DIP2C: variants seen among roughly 807,000 people sequenced by gnomAD.
DIP2C encodes the protein DIP2 acetate--CoA ligase C (putative), also known as disco-interacting protein 2 homolog C.
Under a neutral mutation model 192.4 loss-of-function variants are expected in DIP2C, and 33 were observed. The ratio of observed to expected loss-of-function variants is 0.17; its 90% CI spans 0.13 to 0.23. The LOEUF (loss-of-function observed/expected upper bound fraction) is 0.23, where lower values mean the gene tolerates loss of function less well. Among genes scored for constraint, DIP2C ranks in the 10% least tolerant of loss-of-function variants. The pLI is 1.00. For missense variants in DIP2C, 1,537 were observed against 2,110.1 expected (o/e 0.73, Z 5.32); for synonymous variants, 979 against 864.1 (o/e 1.13, Z -2.33).
chr10:549,014 C>T (rs949687717), intron 1 of DIP2C, among the ~76,000 whole-genome samples: 1 of 149,428 alleles, frequency 6.7e-6, no homozygotes, highest in African/African-American at 2.5e-5. Context: ...CCCACCCTAA[C>T]GTGAATGGGG....
At position 440,864 on chromosome 10, in the gene DIP2C, C is replaced by A. The variant is rs374022535; in HGVS notation, c.394+7G>T. 2 of 1,610,906 alleles carry A rather than the reference C, an allele frequency of 1.2e-6. No individual in the cohort carries two copies. The highest frequency in any genetic ancestry group is 1.7e-6 in the Non-Finnish European group (2 of 1,179,234). On this transcript the variant is annotated splice_region_variant and intron_variant, in intron 4 of 36. Coordinates refer to ENST00000280886, the MANE Select transcript of DIP2C (RefSeq NM_014974.3). Reference sequence around the variant, plus strand: ...CAGGAGGCCGTGTCGGGGAGCGTGTCCCTTACCTGGAGGGGTGTAGGCGTC... The same window carrying A: ...CAGGAGGCCGTGTCGGGGAGCGTGTACCTTACCTGGAGGGGTGTAGGCGTC...
At chr10:477,119 G>A (rs909393151) in intron 2 of DIP2C, among the ~76,000 whole-genome samples, 1 of 149,226 alleles carries the variant, frequency 6.7e-6, no homozygotes, top group African/African-American at 2.5e-5. Flanking sequence ...TACACAGAAG[G>A]AAAAGAAGGC....
intron 1 of DIP2C, among the ~76,000 whole-genome samples, chr10:577,091 G>A (rs1850211221): frequency 6.6e-6 from 1 of 152,140 alleles, no homozygotes; most frequent in South Asian, 2.1e-4. Context: ...CACACCTCAA[G>A]TGTGACTAAC....
chr10:463,732 G>A (rs377442264), intron 3 of DIP2C, among the ~76,000 whole-genome samples: 1 of 152,216 alleles, frequency 6.6e-6, no homozygotes, highest in East Asian at 1.9e-4. Flanking sequence ...CACACTACCT[G>A]ACTTCAAACT....
chr10:603,547 A>C (rs892299515), intron 1 of DIP2C, among the ~76,000 whole-genome samples: 2 of 152,092 alleles, frequency 1.3e-5, no homozygotes, highest in Non-Finnish European at 2.9e-5. Context: ...TGTGATCGAA[A>C]TCTAACTTTA....
intron 1 of DIP2C, among the ~76,000 whole-genome samples, chr10:595,218 G>A (rs1053973714): frequency 9.9e-5 from 15 of 152,220 alleles, no homozygotes; most frequent in Admixed American, 2.6e-4. Context: ...TACAGCCAAC[G>A]TCCCCTCACG....
chr10:527,726 GATGA>G (rs1304096964), intron 1 of DIP2C, among the ~76,000 whole-genome samples: 3 of 152,234 alleles, frequency 2.0e-5, no homozygotes, highest in Non-Finnish European at 4.4e-5. Context: ...GATGTTATGA[GATGA>G]GTGAGATGGT....
chr10:481,134 C>G (rs190145106), intron 2 of DIP2C, among the ~76,000 whole-genome samples: 1 of 152,090 alleles, frequency 6.6e-6, no homozygotes, highest in East Asian at 1.9e-4. Flanking sequence ...GAATACGGAC[C>G]CACTGCGCAC....
chr10:445,616 CTGTTG>C (rs1208970751), intron 3 of DIP2C, among the ~76,000 whole-genome samples: 23,601 of 148,874 alleles, frequency 0.16, 4,915 homozygotes, highest in African/African-American at 0.48. Flanking sequence ...CTGTATACAA[CTGTTG>C]CGAAGAGTCT....
At chr10:318,762 C>T (rs1755437088) in intron 31 of DIP2C, among the ~76,000 whole-genome samples, 1 of 152,162 alleles carries the variant, frequency 6.6e-6, no homozygotes, top group East Asian at 1.9e-4. Context: ...TTTCAAAATC[C>T]CCAACAGCAC....
At chr10:474,321 A>G (rs1184878081) in intron 2 of DIP2C, among the ~76,000 whole-genome samples, 1 of 152,178 alleles carries the variant, frequency 6.6e-6, no homozygotes, top group African/African-American at 2.4e-5. Flanking sequence ...TACGCTTTTC[A>G]ATGATTCTGG....
chr10:362,860 A>C (rs1328547692), intron 21 of DIP2C, among the ~76,000 whole-genome samples, 169 bp from the exon 22 acceptor site: 1 of 152,092 alleles, frequency 6.6e-6, no homozygotes, highest in African/African-American at 2.4e-5. Flanking sequence ...TAAACTCACC[A>C]AAGCTGAATA....
chr10:560,318 A>C (rs943426515), intron 1 of DIP2C, among the ~76,000 whole-genome samples: 1 of 152,140 alleles, frequency 6.6e-6, no homozygotes, highest in African/African-American at 2.4e-5. Flanking sequence ...ACACAAAGCT[A>C]AAGTGCTCAG....
chr10:442,585 T>C (rs1008609892), intron 3 of DIP2C, among the ~76,000 whole-genome samples: 4 of 152,200 alleles, frequency 2.6e-5, no homozygotes, highest in African/African-American at 9.6e-5. Context: ...AAGACCAGTG[T>C]AGAGAATTCC....
chr10:415,646 A>G (rs1485947057), intron 7 of DIP2C, 123 bp downstream of exon 7: 19 of 1,372,240 alleles, frequency 1.4e-5, no homozygotes, highest in Non-Finnish European at 1.8e-5. Context: ...CTGGGTTCCC[A>G]TCATGCGGCA....
intron 4 of DIP2C, among the ~76,000 whole-genome samples, chr10:430,928 T>C (rs1215036472): frequency 6.6e-6 from 1 of 152,248 alleles, no homozygotes; most frequent in Non-Finnish European, 1.5e-5. Context: ...GTGTTTTTCT[T>C]TGCATATGGA....
In DIP2C at chr10:419,102, G is replaced by A. The variant is rs757809216; in HGVS notation, c.702C>T (p.Pro234=). The change falls in exon 6 of 37, where the codon CCC becomes CCT. Residue 234 remains proline (P), a synonymous_variant. Transcript: ENST00000280886. ...PQGSTGSRTA[P]KYGNAELMET... Reference sequence around the variant, plus strand: ...CCATGAGCTCGGCGTTGCCGTACTTGGGCGCTGTCCGGGACCCCGTGGAAC... The same window carrying A: ...CCATGAGCTCGGCGTTGCCGTACTTAGGCGCTGTCCGGGACCCCGTGGAAC... 1 of 1,614,278 alleles carries A rather than the reference G, an allele frequency of 6.2e-7. No homozygotes were observed. The highest frequency in any genetic ancestry group is 1.3e-5 in the African/African-American group (1 of 75,080).
At position 363,110 on chromosome 10, in the gene DIP2C, A is replaced by AACAGCTGG; in HGVS notation, c.2592+79_2592+86dup. The AACAGCTGG allele has an allele frequency of 8.1e-7, 1 of 1,239,126 alleles. No homozygotes were observed. Among genetic ancestry groups the AACAGCTGG allele is most frequent in the Non-Finnish European group, 1.1e-6 (1 of 878,344 alleles). 76.8% of individuals were successfully genotyped at this position (1,239,126 alleles called of 1,614,324 possible). A position where few individuals can be genotyped will look rare whatever the true frequency, so the allele number is the denominator to read the frequency against. On this transcript the variant is annotated intron_variant, in intron 21 of 36. Coordinates refer to ENST00000280886, the MANE Select transcript of DIP2C (RefSeq NM_014974.3). The surrounding 1 kb of genome is among the most constrained non-coding windows in gnomAD (Gnocchi z 5.4). ...AAAAGGGCCACCCCATGGGCAAAGC[A>AACAGCTGG]ACAGCTGGTCACACCATGATCTGAA...
intron 17 of DIP2C, among the ~76,000 whole-genome samples, chr10:370,604 T>C (rs1380259708): frequency 3.9e-5 from 6 of 152,366 alleles, no homozygotes; most frequent in Non-Finnish European, 8.8e-5. Context: ...TAGCAATGAA[T>C]AGCTGCTGAC....
Sources: allele counts gnomAD v4.1 joint callset (sites outside exome capture counted in the v4.1 genomes callset), GRCh38; gene constraint gnomAD v4.1.1; non-coding constraint Gnocchi (gnomAD v3.1); transcripts MANE v1.5; gene names NCBI Gene and HGNC (gene_info 2026-07-23, HGNC 2026-07-21).